The following TMEM131L variants were observed in gnomAD, a reference collection of about 807,000 sequenced individuals.
TMEM131L encodes the protein transmembrane protein 131-like.
Under a neutral mutation model 192.2 loss-of-function variants are expected in TMEM131L, and 54 were observed. The observed-to-expected ratio is 0.28, with a 90% CI of 0.23 to 0.35. The LOEUF is 0.35. Ranked by LOEUF, TMEM131L falls within the 10% of genes least tolerant of loss-of-function variation. The pLI is 1.00. For synonymous variants in TMEM131L, 701 were observed against 704.9 expected (o/e 0.99, Z 0.09); for missense variants, 1,888 against 1,972.9 (o/e 0.96, Z 0.82).
rs1165273791 is a variant in TMEM131L at position 153,580,810 on chromosome 4, T to G, written c.661-16T>G. ...CTTTTACTTAAAGTTCTTTTCCTCC[T>G]TTTTTCTTCTTTTAGGCAGAAACCA... On this transcript the variant is annotated splice_polypyrimidine_tract_variant and intron_variant, in intron 7 of 34. Coordinates refer to ENST00000409959, the MANE Select transcript of TMEM131L (RefSeq NM_001131007.2). 3 of 1,566,264 alleles carry G rather than the reference T, an allele frequency of 1.9e-6. No homozygotes were observed. The highest frequency in any genetic ancestry group is 2.6e-6 in the Non-Finnish European group (3 of 1,138,816).
intron 12 of TMEM131L, 98 bp downstream of exon 12, chr4:153,585,029 TTC>T: frequency 3.1e-6 from 3 of 967,732 alleles, no homozygotes; most frequent in Non-Finnish European, 3.2e-6. Context: ...ATTTGTGTGA[TTC>T]TCTCTCTCAC....
chr4:153,520,000 G>A lies in TMEM131L; in HGVS notation c.240-30073G>A, dbSNP rs1015763980. ...TATACACAATAGCCAGTTGCTCAGT[G>A]GAAGAACCAGAAATTTGCCTGGGGA... is the stretch of plus-strand genomic sequence containing the variant. On this transcript the variant is annotated intron_variant, in intron 3 of 34. Transcript: ENST00000409959. Among the ~76,000 whole-genome samples the A allele has an allele frequency of 2.0e-5, 3 of 151,820 alleles. No homozygotes were observed. In the South Asian group the frequency reaches 6.2e-4, roughly 32 times the overall value.
chr4:153,567,337 A>G (rs571556975), intron 7 of TMEM131L, among the ~76,000 whole-genome samples: 67 of 152,342 alleles, frequency 4.4e-4, no homozygotes, highest in Non-Finnish European at 8.5e-4. Context: ...GAGAATTCCT[A>G]CAAATACCTG....
At chr4:153,583,527 C>G (rs765749687) in intron 10 of TMEM131L, 37 bp from the exon 11 acceptor site, 1 of 1,300,376 alleles carries the variant, frequency 7.7e-7, no homozygotes, top group Non-Finnish European at 1.1e-6. Context: ...ACTCTCCCAG[C>G]TGAGAGTAGT....
At position 153,466,460 on chromosome 4, in the gene TMEM131L, C is replaced by T. The variant is rs759231146; in HGVS notation, c.63C>T (p.Leu21=). ...CYCRTAAAVN[L]LLGVFQVLLP... is the part of the protein sequence containing the mutation. The stretch of plus-strand genomic sequence containing the variant: ...GCCGCACCGCGGCGGCCGTGAACCT[C>T]CTGCTGGGCGTCTTCCAGGTCCTGC... The change falls in exon 1 of 35, where the codon CTC becomes CTT. Residue 21 remains leucine, a synonymous_variant. Coordinates refer to ENST00000409959, the MANE Select transcript of TMEM131L (RefSeq NM_001131007.2). The T allele has an allele frequency of 2.7e-4, 384 of 1,425,894 alleles. No individual in the cohort carries two copies. Among genetic ancestry groups the T allele is most frequent in the Middle Eastern group, 1.8e-3 (8 of 4,458 alleles). 88.3% of individuals were successfully genotyped at this position (1,425,894 alleles called of 1,614,324 possible).
intron 26 of TMEM131L, 22 bp downstream of exon 26, chr4:153,612,422 TA>T: frequency 1.3e-6 from 2 of 1,562,074 alleles, no homozygotes; most frequent in South Asian, 1.3e-5. Context: ...TTTTCTTGCC[TA>T]TTAAAAACAA....
chr4:153,515,562 G>T (rs113098915), intron 3 of TMEM131L, among the ~76,000 whole-genome samples: 14 of 152,274 alleles, frequency 9.2e-5, no homozygotes, highest in African/African-American at 3.4e-4. Flanking sequence ...TTGTGTGGAC[G>T]TATGTTTTCA....
In TMEM131L at chr4:153,635,551, G is replaced by T; in HGVS notation, c.4537G>T (p.Ala1513Ser). Residue 1513 changes from alanine to serine, a missense_variant, in exon 34 of 35, where the codon GCC (alanine) becomes TCC (serine). Physicochemically the swap from Ala to Ser is moderately conservative, Grantham distance 99. Coordinates refer to ENST00000409959, the MANE Select transcript of TMEM131L (RefSeq NM_001131007.2). Reference sequence around the variant, plus strand: ...CAACATGCCTGCTGCCTGGGGACATGCCAGTTTCATCAGCTCTCCGGTCAG... The same window carrying T: ...CAACATGCCTGCTGCCTGGGGACATTCCAGTTTCATCAGCTCTCCGGTCAG... ...PPNMPAAWGH[A>S]SFISSPPYLT... 6.2e-6 allele frequency: 10 copies of T among 1,614,170 alleles called. No homozygotes were observed. Among genetic ancestry groups the T allele is most frequent in the Non-Finnish European group, 8.5e-6 (10 of 1,180,024 alleles).
chr4:153,535,980 T>C (rs1736289911), intron 3 of TMEM131L, among the ~76,000 whole-genome samples: 1 of 152,232 alleles, frequency 6.6e-6, no homozygotes, highest in African/African-American at 2.4e-5. Context: ...AGCGCTCTGC[T>C]TCTTTTGGAA....
chr4:153,619,835 C>A (rs1733261671), intron 26 of TMEM131L, among the ~76,000 whole-genome samples: 1 of 152,202 alleles, frequency 6.6e-6, no homozygotes, highest in African/African-American at 2.4e-5. Flanking sequence ...GTGAATCCTT[C>A]AGTCAGTAGG....
chr4:153,553,366 ATCT>A (rs1231842781), intron 4 of TMEM131L, among the ~76,000 whole-genome samples: 5 of 152,254 alleles, frequency 3.3e-5, no homozygotes, highest in Admixed American at 2.6e-4. Flanking sequence ...GGTAGAATAA[ATCT>A]TCTGATTTCT....
chr4:153,621,677 T>C lies in TMEM131L; in HGVS notation c.3693-6T>C. 1 of 1,613,414 alleles carries C rather than the reference T, an allele frequency of 6.2e-7. No homozygotes were observed. The highest frequency in any genetic ancestry group is 1.1e-5 in the South Asian group (1 of 91,006). On this transcript the variant is annotated splice_polypyrimidine_tract_variant and splice_region_variant and intron_variant, in intron 27 of 34. Coordinates refer to ENST00000409959, the MANE Select transcript of TMEM131L (RefSeq NM_001131007.2). ...GTGTTTTTTTGTGTGTGTGTGTCTT[T>C]TCCAGGCCTCCTGAACAGAGTGATC... is the stretch of plus-strand genomic sequence containing the variant.
At chr4:153,469,522 CTTAA>C (rs1196080951) in intron 2 of TMEM131L, among the ~76,000 whole-genome samples, 1 of 152,172 alleles carries the variant, frequency 6.6e-6, no homozygotes, top group East Asian at 1.9e-4. Flanking sequence ...GGGTTTTCTG[CTTAA>C]TTAACCAGTA....
rs28610241 is a variant in TMEM131L, at chr4:153,504,762, A to G, written c.239+30874A>G. On this transcript the variant is annotated intron_variant, in intron 3 of 34. Transcript: ENST00000409959. ...TTGCTTTCACAGAAAGACTTTTCCC[A>G]TAAACGAATGAAACTTAGGATACAT... is the stretch of plus-strand genomic sequence containing the variant. Among the ~76,000 whole-genome samples the G allele has an allele frequency of 7.1e-3, 1,085 of 152,334 alleles. 13 individuals are homozygous for G. Among genetic ancestry groups the G allele is most frequent in the African/African-American group, 0.025 (1,033 of 41,570 alleles).
rs868509469 is a variant in TMEM131L, at chr4:153,601,124, G to A, written c.2267-1028G>A. Among the ~76,000 whole-genome samples, 86 of 138,490 alleles carry A rather than the reference G, an allele frequency of 6.2e-4. 2 individuals carry two copies. In the East Asian group the frequency reaches 0.015, roughly 24 times the overall value. 90.9% of individuals were successfully genotyped at this position (138,490 alleles called of 152,430 possible). On this transcript the variant is annotated intron_variant, in intron 21 of 34. Transcript: ENST00000409959. ...GACTGTCTCAAAAAAAAAAAAAAAAGATTTGTTAGTAATTTTACATTCCGA... is the reference window on the plus strand; with the variant it reads ...GACTGTCTCAAAAAAAAAAAAAAAAAATTTGTTAGTAATTTTACATTCCGA...
At chr4:153,495,526 CTTTT>C (rs747134897) in intron 3 of TMEM131L, among the ~76,000 whole-genome samples, 24 of 152,082 alleles carry the variant, frequency 1.6e-4, no homozygotes, top group Non-Finnish European at 2.8e-4. Flanking sequence ...AGGTTGCATT[CTTTT>C]GAGTCCTTGA....
At position 153,592,593 on chromosome 4, in the gene TMEM131L, A is replaced by C. The variant is rs1459915745; in HGVS notation, c.1922+9A>C. The C allele has an allele frequency of 1.3e-6, 2 of 1,581,192 alleles. No homozygotes were observed. The highest frequency in any genetic ancestry group is 4.5e-5 in the East Asian group (2 of 44,706). On this transcript the variant is annotated intron_variant, in intron 18 of 34. Coordinates refer to ENST00000409959, the MANE Select transcript of TMEM131L (RefSeq NM_001131007.2). ...CACCTGCTCCACAGATGGTATGAAGACTTTTTTTCTGAGAGGCAGTTTGGG... is the reference window on the plus strand; with the variant it reads ...CACCTGCTCCACAGATGGTATGAAGCCTTTTTTTCTGAGAGGCAGTTTGGG...
intron 3 of TMEM131L, among the ~76,000 whole-genome samples, chr4:153,506,576 C>T (rs1423564246): frequency 2.6e-5 from 4 of 152,264 alleles, no homozygotes; most frequent in African/African-American, 9.6e-5. Flanking sequence ...GGTGCGGTGG[C>T]TCATGCCTGT....
chr4:153,565,127 C>T (rs1367968476), intron 7 of TMEM131L, among the ~76,000 whole-genome samples: 4 of 152,240 alleles, frequency 2.6e-5, no homozygotes, highest in Non-Finnish European at 5.9e-5. Flanking sequence ...TTGGTCCACA[C>T]CCTGCCTTAA....
Sources: gnomAD v4.1 joint callset for allele counts (sites outside exome capture counted in the v4.1 genomes callset) on GRCh38, gnomAD v4.1.1 for gene constraint, MANE v1.5 for transcripts, NCBI Gene and HGNC (gene_info 2026-07-23, HGNC 2026-07-21) for gene names.